The following GALNT13 variants were observed in gnomAD, a reference collection of about 807,000 sequenced individuals.
The protein encoded by GALNT13 is polypeptide N-acetylgalactosaminyltransferase 13, also known as UDP-GalNAc:polypeptide N-acetylgalactosaminyltransferase 13.
GALNT13 carries 28 observed loss-of-function variants against 64.2 expected under a neutral mutation model. The ratio of observed to expected loss-of-function variants is 0.44; its 90% CI spans 0.32 to 0.60. The LOEUF is 0.60. GALNT13 is among the 20% of genes least tolerant of loss of function. GALNT13 has a pLI of 0.05. For synonymous variants in GALNT13, 214 were observed against 224.6 expected, an observed-to-expected ratio of 0.95 and a Z score of 0.42; for missense variants, 577 against 669.8, an observed-to-expected ratio of 0.86 and a Z score of 1.53.
rs113102050 is a variant in GALNT13 at position 154,307,125 on chromosome 2, A to G, written c.1156+5536A>G. ...AGGTCAGATCCCTTTCACTGTTACA[A>G]TAAAGGCAGTTTCAATTCCTCTGAG... is the stretch of plus-strand genomic sequence containing the variant. On this transcript the variant is annotated intron_variant, in intron 9 of 12. Coordinates refer to ENST00000392825, the MANE Select transcript of GALNT13 (RefSeq NM_052917.4). Among the ~76,000 whole-genome samples, 258 of 152,250 alleles carry G rather than the reference A, an allele frequency of 1.7e-3. 1 individual carries two copies. Among genetic ancestry groups the G allele is most frequent in the African/African-American group, 5.9e-3 (244 of 41,536 alleles).
At position 154,450,614 on chromosome 2, in the gene GALNT13, G is replaced by A; in HGVS notation, c.*63G>A. The stretch of plus-strand genomic sequence containing the variant: ...TTGTTTTTCCATTATTTCAATTGGG[G>A]GAAAATATTAACTTTGCTGAATTGA... On this transcript the variant is annotated 3_prime_UTR_variant, in exon 13 of 13. Coordinates refer to ENST00000392825, the MANE Select transcript of GALNT13 (RefSeq NM_052917.4). The A allele has an allele frequency of 1.1e-5, 15 of 1,384,870 alleles. No individual in the cohort carries two copies. The highest frequency in any genetic ancestry group is 4.4e-5 in the African/African-American group (3 of 68,442). 85.8% of individuals were successfully genotyped at this position (1,384,870 alleles called of 1,614,324 possible).
chr2:154,008,896 A>G (rs1696437239), intron 3 of GALNT13, among the ~76,000 whole-genome samples: 1 of 152,190 alleles, frequency 6.6e-6, no homozygotes, highest in South Asian at 2.1e-4. Flanking sequence ...TAGTGCTGAG[A>G]TGAATATACG....
chr2:153,179,918 G>GT, the GALNT13 span, among the ~76,000 whole-genome samples: 8 of 152,100 alleles, frequency 5.3e-5, no homozygotes, highest in African/African-American at 1.9e-4. Context: ...TATTCTAACA[G>GT]TTTTTTTGGT....
intron 9 of GALNT13, among the ~76,000 whole-genome samples, chr2:154,374,566 A>G (rs1215361385): frequency 6.6e-6 from 1 of 152,188 alleles, no homozygotes; most frequent in Non-Finnish European, 1.5e-5. Flanking sequence ...ATTATGATGC[A>G]ATTCAGTGGC....
intron 4 of GALNT13, among the ~76,000 whole-genome samples, chr2:154,217,686 ATGT>A (rs1014957530): frequency 2.6e-5 from 4 of 152,202 alleles, no homozygotes; most frequent in African/African-American, 9.6e-5. Context: ...GAATTATGCA[ATGT>A]TAAGATTAAA....
At chr2:154,184,084 A>G (rs1686117097) in intron 4 of GALNT13, among the ~76,000 whole-genome samples, 1 of 151,776 alleles carries the variant, frequency 6.6e-6, no homozygotes, top group Admixed American at 6.6e-5. Flanking sequence ...TTATAAATTT[A>G]TAATATATTT....
chr2:153,296,850 A>T, the GALNT13 span, among the ~76,000 whole-genome samples: 30 of 152,082 alleles, frequency 2.0e-4, no homozygotes, highest in East Asian at 3.9e-4. Flanking sequence ...GTTTTTCTTT[A>T]AAAAAAATTC....
the GALNT13 span, among the ~76,000 whole-genome samples, chr2:153,480,001 A>T: frequency 1.3e-5 from 2 of 152,166 alleles, no homozygotes; most frequent in Admixed American, 6.5e-5. Context: ...AGCTTCCAAT[A>T]GAATACATTT....
At chr2:153,497,140 G>C in the GALNT13 span, among the ~76,000 whole-genome samples, 2 of 152,096 alleles carry the variant, frequency 1.3e-5, no homozygotes, top group South Asian at 4.1e-4. Context: ...ATGCCTGTTG[G>C]CTTTTTAATA....
At chr2:154,253,513 C>A (rs1690201475) in intron 7 of GALNT13, among the ~76,000 whole-genome samples, 2 of 152,118 alleles carry the variant, frequency 1.3e-5, no homozygotes, top group African/African-American at 4.8e-5. Flanking sequence ...AATACTATCA[C>A]AAACTAGGCA....
chr2:153,981,437 A>T (rs181366905), intron 3 of GALNT13, among the ~76,000 whole-genome samples: 3 of 151,918 alleles, frequency 2.0e-5, no homozygotes, highest in Non-Finnish European at 4.4e-5. Context: ...TCATTGTTCA[A>T]TTCCCACCTA....
At chr2:154,230,727 T>C (rs1395987680) in intron 4 of GALNT13, among the ~76,000 whole-genome samples, 1 of 152,068 alleles carries the variant, frequency 6.6e-6, no homozygotes, top group Non-Finnish European at 1.5e-5. Flanking sequence ...TCTGTTAAAG[T>C]CCAGATGAGG....
the GALNT13 span, among the ~76,000 whole-genome samples, chr2:153,776,574 T>C: frequency 6.6e-6 from 1 of 152,244 alleles, no homozygotes; most frequent in Non-Finnish European, 1.5e-5. Context: ...GAAGCTTCTT[T>C]CAATTTCTCA....
the GALNT13 span, among the ~76,000 whole-genome samples, chr2:153,641,298 C>T: frequency 1.3e-5 from 2 of 152,104 alleles, no homozygotes; most frequent in East Asian, 1.9e-4. Context: ...TTGTTAGGTC[C>T]GTTAGAAATA....
At chr2:153,926,021 C>T (rs1441677813) in intron 2 of GALNT13, among the ~76,000 whole-genome samples, 2 of 151,962 alleles carry the variant, frequency 1.3e-5, no homozygotes, top group African/African-American at 2.4e-5. Flanking sequence ...TTGACTTCCC[C>T]TCTTCCCATT....
intron 2 of GALNT13, among the ~76,000 whole-genome samples, chr2:153,932,841 T>G (rs1163659740): frequency 6.6e-6 from 1 of 152,076 alleles, no homozygotes; most frequent in African/African-American, 2.4e-5. Flanking sequence ...TTGGTCAGGC[T>G]GGTCTCAAAC....
chr2:153,696,468 G>C, the GALNT13 span, among the ~76,000 whole-genome samples: 16 of 152,110 alleles, frequency 1.1e-4, no homozygotes, highest in East Asian at 3.1e-3. Context: ...ACAATACATT[G>C]TATGCTTCAA....
chr2:153,427,554 C>T, the GALNT13 span, among the ~76,000 whole-genome samples: 2 of 151,862 alleles, frequency 1.3e-5, no homozygotes, highest in African/African-American at 4.8e-5. Flanking sequence ...AGACATTAGC[C>T]TTGGGAAAAA....
chr2:153,119,278 G>A, the GALNT13 span, among the ~76,000 whole-genome samples: 2 of 152,000 alleles, frequency 1.3e-5, no homozygotes, highest in South Asian at 4.2e-4. Context: ...TTAAACCCAT[G>A]CAGTTTGGCT....
Sources: allele counts gnomAD v4.1 joint callset (sites outside exome capture counted in the v4.1 genomes callset), GRCh38; gene constraint gnomAD v4.1.1; transcripts MANE v1.5; gene names NCBI Gene and HGNC (gene_info 2026-07-23, HGNC 2026-07-21).